HSD17B12: variants seen among roughly 807,000 people sequenced by gnomAD.
HSD17B12 encodes the protein hydroxysteroid 17-beta dehydrogenase 12.
A neutral mutation model predicts 39.3 loss-of-function variants in HSD17B12; 32 were observed. That is an observed-to-expected ratio of 0.81 (90% CI 0.61 to 1.09). The LOEUF is 1.09. HSD17B12 is among the 50% of genes least tolerant of loss of function. The pLI, the probability that HSD17B12 is intolerant of heterozygous loss-of-function variation, is 0.00. For synonymous variants in HSD17B12, 150 were observed against 146.7 expected, an observed-to-expected ratio of 1.02 and a Z score of -0.16; for missense variants, 342 against 382.9, an observed-to-expected ratio of 0.89 and a Z score of 0.89.
chr11:43,581,297 C>T, the HSD17B12 span: 9 of 466,618 alleles, frequency 1.9e-5, no homozygotes, highest in African/African-American at 8.0e-5. This position sits in a 1 kb window ranked among gnomAD's most constrained non-coding sequence, Gnocchi z 4.9. Flanking sequence ...GACTGAGCCG[C>T]GATGGAACGC....
chr11:43,801,626 A>ATATATATATG (rs1416673105), intron 4 of HSD17B12, among the ~76,000 whole-genome samples: 2 of 19,482 alleles, frequency 1.0e-4, no homozygotes. Context: ...ATATATATAT[A>ATATATATATG]TATATGTATA....
chr11:43,695,424 C>G (rs1030391658), intron 1 of HSD17B12, among the ~76,000 whole-genome samples: 2 of 151,800 alleles, frequency 1.3e-5, no homozygotes, highest in Non-Finnish European at 2.9e-5. Context: ...ACTAAAAATA[C>G]AAAATTAGCT....
chr11:43,680,708 C>G (rs1949733612), upstream of HSD17B12: 2 of 931,366 alleles, frequency 2.1e-6, no homozygotes, highest in Non-Finnish European at 3.5e-6. Flanking sequence ...GGTTTAGGCC[C>G]AAAGTGGTGT....
chr11:43,808,406 T>A (rs1219054197), intron 4 of HSD17B12, among the ~76,000 whole-genome samples: 1 of 152,092 alleles, frequency 6.6e-6, no homozygotes, highest in African/African-American at 2.4e-5. Flanking sequence ...AAAGTGAGCA[T>A]AGGACTTCTA....
chr11:43,631,561 C>G, the HSD17B12 span, among the ~76,000 whole-genome samples: 12 of 151,864 alleles, frequency 7.9e-5, no homozygotes, highest in Non-Finnish European at 1.6e-4. Context: ...GTGTGTCTCT[C>G]TCTCTCTGCC....
intron 1 of HSD17B12, among the ~76,000 whole-genome samples, chr11:43,707,775 G>A (rs184742743): frequency 3.6e-4 from 54 of 152,048 alleles, no homozygotes; most frequent in Non-Finnish European, 6.9e-4. Context: ...TATTTTTCCC[G>A]CACTTGTTAC....
At chr11:43,801,627 T>TTG (rs1950970250) in intron 4 of HSD17B12, among the ~76,000 whole-genome samples, 2 of 20,688 alleles carry the variant, frequency 9.7e-5, no homozygotes, top group Non-Finnish European at 3.0e-4. Context: ...TATATATATA[T>TTG]ATATGTATAT....
At chr11:43,842,546 C>A (rs973612973) in intron 9 of HSD17B12, among the ~76,000 whole-genome samples, 2 of 152,164 alleles carry the variant, frequency 1.3e-5, no homozygotes, top group African/African-American at 4.8e-5. Flanking sequence ...CTTTCCTTGA[C>A]ACCAGTCATT....
chr11:43,654,083 C>G, the HSD17B12 span, among the ~76,000 whole-genome samples: 1 of 152,002 alleles, frequency 6.6e-6, no homozygotes, highest in African/African-American at 2.4e-5. Flanking sequence ...TAATGATTGC[C>G]ATTCTAACTG....
chr11:43,843,088 A>T (rs1242715607), intron 9 of HSD17B12, among the ~76,000 whole-genome samples: 1 of 152,202 alleles, frequency 6.6e-6, no homozygotes, highest in African/African-American at 2.4e-5. Context: ...CTGTCATTTC[A>T]TCTGTCATTG....
the HSD17B12 span, among the ~76,000 whole-genome samples, chr11:43,674,601 A>G: frequency 2.0e-5 from 3 of 152,380 alleles, no homozygotes; most frequent in East Asian, 5.8e-4. Flanking sequence ...TCATTAAAAT[A>G]ACTAAATTCC....
chr11:43,674,594 T>C, the HSD17B12 span, among the ~76,000 whole-genome samples: 1 of 152,268 alleles, frequency 6.6e-6, no homozygotes, highest in Non-Finnish European at 1.5e-5. Flanking sequence ...TTCCTTTTCA[T>C]TAAAATAACT....
At chr11:43,695,765 T>C (rs751518617) in intron 1 of HSD17B12, among the ~76,000 whole-genome samples, 4 of 152,296 alleles carry the variant, frequency 2.6e-5, no homozygotes, top group Non-Finnish European at 5.9e-5. Flanking sequence ...TAGATTTTAG[T>C]TGGCCATCTG....
At chr11:43,730,254 T>A (rs373313756) in intron 1 of HSD17B12, among the ~76,000 whole-genome samples, 1 of 152,230 alleles carries the variant, frequency 6.6e-6, no homozygotes, top group Admixed American at 6.5e-5. Context: ...TATTGGTCAA[T>A]CCACCACTAT....
At chr11:43,643,108 T>C in the HSD17B12 span, among the ~76,000 whole-genome samples, 1 of 152,100 alleles carries the variant, frequency 6.6e-6, no homozygotes, top group Non-Finnish European at 1.5e-5. Context: ...GTACATTTCA[T>C]TTTATATTTG....
rs553374092 is a variant in HSD17B12, at chr11:43,831,089, A to C, written c.536+79A>C. 55 of 1,358,620 alleles carry C rather than the reference A, an allele frequency of 4.0e-5. No individual in the cohort carries two copies. The East Asian group carries it at 1.3e-3, about 32-fold the overall frequency. 84.2% of individuals were successfully genotyped at this position (1,358,620 alleles called of 1,614,324 possible). On this transcript the variant is annotated intron_variant, in intron 7 of 10. Coordinates refer to ENST00000278353, the MANE Select transcript of HSD17B12 (RefSeq NM_016142.3). The surrounding 1 kb of genome is among the most constrained non-coding windows in gnomAD (Gnocchi z 4.1). ...AGAGGGAGAATCCTTGCTTTGAAAAAATCACTGAAGTGACTAATGAACCAA... is the reference window on the plus strand; with the variant it reads ...AGAGGGAGAATCCTTGCTTTGAAAACATCACTGAAGTGACTAATGAACCAA...
At chr11:43,690,394 A>ATTTTTT (rs1565049772) in intron 1 of HSD17B12, among the ~76,000 whole-genome samples, 5 of 23,564 alleles carry the variant, frequency 2.1e-4, no homozygotes, top group African/African-American at 8.0e-4. Context: ...ATATATATAT[A>ATTTTTT]TATATATATA....
chr11:43,801,977 A>T (rs1305768509), intron 4 of HSD17B12, among the ~76,000 whole-genome samples: 1 of 148,904 alleles, frequency 6.7e-6, no homozygotes, highest in Non-Finnish European at 1.5e-5. Flanking sequence ...GATGAAGTTA[A>T]TTTTTTTTTT....
At chr11:43,853,886 C>A (rs983433228) in intron 9 of HSD17B12, 5 of 152,172 alleles carry the variant, frequency 3.3e-5, no homozygotes, top group Non-Finnish European at 7.3e-5. Context: ...AACTACCATG[C>A]CCAGGTTATT....
Sources: allele counts gnomAD v4.1 joint callset (sites outside exome capture counted in the v4.1 genomes callset), GRCh38; gene constraint gnomAD v4.1.1; non-coding constraint Gnocchi (gnomAD v3.1); transcripts MANE v1.5; gene names NCBI Gene and HGNC (gene_info 2026-07-23, HGNC 2026-07-21).